The following ERBB4 variants were observed in gnomAD, a reference collection of about 807,000 sequenced individuals.
ERBB4 encodes erb-b2 receptor tyrosine kinase 4.
A neutral mutation model predicts 158.0 loss-of-function variants in ERBB4; 42 were observed. The observed-to-expected ratio is 0.27, with a 90% CI of 0.21 to 0.34. The LOEUF is 0.34. Ranked by LOEUF, ERBB4 falls within the 10% of genes least tolerant of loss-of-function variation. The pLI, the probability that ERBB4 is intolerant of heterozygous loss-of-function variation, is 1.00. For synonymous variants in ERBB4, 583 were observed against 558.7 expected (o/e 1.04, Z -0.61); for missense variants, 1,333 against 1,624.1 (o/e 0.82, Z 3.08).
intron 2 of ERBB4, 69 bp downstream of exon 2, chr2:212,124,683 A>G (rs1172126843): frequency 4.5e-6 from 7 of 1,550,860 alleles, no homozygotes; most frequent in Admixed American, 1.7e-5. Context: ...ATCAGCACAC[A>G]GGTCTGCCTG....
At chr2:212,055,520 G>T (rs943257924) in intron 2 of ERBB4, among the ~76,000 whole-genome samples, 7 of 152,228 alleles carry the variant, frequency 4.6e-5, no homozygotes, top group African/African-American at 1.7e-4. Context: ...TAACTGGGAG[G>T]CACCCTCCAG....
intron 1 of ERBB4, among the ~76,000 whole-genome samples, chr2:212,165,285 A>C (rs187492700): frequency 4.0e-5 from 6 of 151,802 alleles, no homozygotes; most frequent in African/African-American, 1.4e-4. Flanking sequence ...TTTAATATCA[A>C]TGTCATTTTT....
chr2:211,938,633 A>G (rs2080395960), intron 3 of ERBB4, among the ~76,000 whole-genome samples: 2 of 152,128 alleles, frequency 1.3e-5, no homozygotes, highest in Non-Finnish European at 2.9e-5. Flanking sequence ...ATAAAGTTCT[A>G]TTGGACAGTG....
chr2:212,423,232 T>G (rs963057404), intron 1 of ERBB4, among the ~76,000 whole-genome samples: 2 of 152,022 alleles, frequency 1.3e-5, no homozygotes. Flanking sequence ...AGAGGAACAA[T>G]TAGTCATATG....
chr2:212,479,299 CCTCTTTCTCT>C (rs1419935133), intron 1 of ERBB4, among the ~76,000 whole-genome samples: 1 of 151,852 alleles, frequency 6.6e-6, no homozygotes, highest in Non-Finnish European at 1.5e-5. Flanking sequence ...CTTAGAGCTA[CCTCTTTCTCT>C]CTCTTTCTCT....
Position 211,375,994 on chromosome 2 carries a change from G to C in ERBB4, c.*7621C>G. ...CATTCTCAAATAACAACAGGAATGA[G>C]GGAAAGGAAGGAGGATGGGTAAAAG... On this transcript the variant is annotated 3_prime_UTR_variant, in exon 28 of 28. Transcript: ENST00000342788. 1 of 232,934 alleles carries C rather than the reference G, an allele frequency of 4.3e-6. No homozygotes were observed. Among genetic ancestry groups the C allele is most frequent in the Non-Finnish European group, 8.5e-6 (1 of 117,634 alleles). 14.4% of individuals were successfully genotyped at this position (232,934 alleles called of 1,614,324 possible). A position where few individuals can be genotyped will look rare whatever the true frequency, so the allele number is the denominator to read the frequency against.
intron 1 of ERBB4, among the ~76,000 whole-genome samples, chr2:212,180,613 T>G (rs1458025086): frequency 6.6e-6 from 1 of 151,720 alleles, no homozygotes; most frequent in Admixed American, 6.6e-5. Context: ...ATCGGGTATT[T>G]GCAATGGAAG....
intron 1 of ERBB4, among the ~76,000 whole-genome samples, chr2:212,168,000 T>TA (rs2081400191): frequency 6.6e-6 from 1 of 151,592 alleles, no homozygotes; most frequent in African/African-American, 2.4e-5. Flanking sequence ...CAAACCACCA[T>TA]GGCACACGTA....
chr2:211,566,189 TA>T (rs2067541178), intron 19 of ERBB4, among the ~76,000 whole-genome samples: 1 of 152,236 alleles, frequency 6.6e-6, no homozygotes, highest in Non-Finnish European at 1.5e-5. Flanking sequence ...CCAGAACTGG[TA>T]GGAAAGATCA....
chr2:211,831,418 C>T (rs1202887367), intron 3 of ERBB4, among the ~76,000 whole-genome samples: 2 of 152,134 alleles, frequency 1.3e-5, no homozygotes, highest in Admixed American at 6.6e-5. Context: ...GATGTCACCC[C>T]AAATCACCAC....
At chr2:212,354,413 C>G (rs1320266526) in intron 1 of ERBB4, among the ~76,000 whole-genome samples, 1 of 152,006 alleles carries the variant, frequency 6.6e-6, no homozygotes, top group African/African-American at 2.4e-5. Context: ...AGAAGGGTAG[C>G]AAATGTAAAT....
intron 2 of ERBB4, among the ~76,000 whole-genome samples, chr2:212,112,399 C>G (rs2079439022): frequency 6.6e-6 from 1 of 151,930 alleles, no homozygotes; most frequent in African/African-American, 2.4e-5. Flanking sequence ...AATTTTGTGG[C>G]TCTACTGAGG....
chr2:211,914,952 C>A (rs535226403), intron 3 of ERBB4, among the ~76,000 whole-genome samples: 2 of 152,066 alleles, frequency 1.3e-5, no homozygotes, highest in Non-Finnish European at 2.9e-5. Flanking sequence ...AAATCCCAAT[C>A]CTGTTTCCTG....
intron 19 of ERBB4, among the ~76,000 whole-genome samples, chr2:211,614,257 G>A (rs774693403): frequency 1.2e-4 from 18 of 151,920 alleles, no homozygotes; most frequent in Non-Finnish European, 2.2e-4. Flanking sequence ...GTAGAAGGAT[G>A]GTTACCAGAG....
intron 19 of ERBB4, among the ~76,000 whole-genome samples, chr2:211,567,604 G>A (rs562793723): frequency 9.9e-5 from 15 of 152,110 alleles, no homozygotes; most frequent in Non-Finnish European, 1.9e-4. Context: ...GTGTAAAAAA[G>A]TCACACGGAA....
At chr2:212,483,435 T>C (rs1003467671) in intron 1 of ERBB4, among the ~76,000 whole-genome samples, 2 of 152,196 alleles carry the variant, frequency 1.3e-5, no homozygotes, top group Non-Finnish European at 2.9e-5. Flanking sequence ...TGTTAGACTT[T>C]TTTGACATTA....
At chr2:211,866,296 C>G (rs1312107574) in intron 3 of ERBB4, among the ~76,000 whole-genome samples, 8 of 152,112 alleles carry the variant, frequency 5.3e-5, no homozygotes. Context: ...GATCTTGTCT[C>G]TGGGTTCCAC....
chr2:212,219,090 G>A (rs949265219), intron 1 of ERBB4, among the ~76,000 whole-genome samples: 2 of 151,178 alleles, frequency 1.3e-5, no homozygotes, highest in African/African-American at 4.8e-5. Context: ...AAAGAATAGA[G>A]ATTTTGTAGA....
intron 1 of ERBB4, among the ~76,000 whole-genome samples, chr2:212,352,404 C>T (rs2089293123): frequency 6.7e-6 from 1 of 149,482 alleles, no homozygotes; most frequent in South Asian, 2.2e-4. Flanking sequence ...AAATCTTGAC[C>T]AACAGACCAG....
Sources: allele counts gnomAD v4.1 joint callset (sites outside exome capture counted in the v4.1 genomes callset), GRCh38; gene constraint gnomAD v4.1.1; transcripts MANE v1.5; gene names NCBI Gene and HGNC (gene_info 2026-07-23, HGNC 2026-07-21).